The following EPM2A variants were observed in gnomAD, a reference collection of about 807,000 sequenced individuals.
EPM2A encodes the protein EPM2A glucan phosphatase, laforin.
Under a neutral mutation model 26.5 loss-of-function variants are expected in EPM2A, and 21 were observed. That is an observed-to-expected ratio of 0.79 (90% confidence interval 0.56 to 1.14). EPM2A has a LOEUF of 1.14. Ranked by LOEUF, EPM2A falls within the 50% of genes most tolerant of loss-of-function variation. The probability of loss-of-function intolerance (pLI) is 0.00; values close to 1 mark genes in which losing one functional copy is unlikely to be tolerated. For missense variants in EPM2A, 458 were observed against 440.8 expected, an observed-to-expected ratio of 1.04 and a Z score of -0.35; for synonymous variants, 217 against 177.6, an observed-to-expected ratio of 1.22 and a Z score of -1.76.
intron 2 of EPM2A, among the ~76,000 whole-genome samples, chr6:145,548,081 T>C (rs1780609403): frequency 6.6e-6 from 1 of 152,136 alleles, no homozygotes. Context: ...CCTTTGCTCT[T>C]ACCATGTTCC....
chr6:145,480,419 G>A (rs1180304580), intron 4 of EPM2A, among the ~76,000 whole-genome samples: 2 of 152,046 alleles, frequency 1.3e-5, no homozygotes, highest in African/African-American at 4.8e-5. Flanking sequence ...TTCCAACATT[G>A]AGGATTACAA....
intron 2 of EPM2A, among the ~76,000 whole-genome samples, chr6:145,673,121 T>C (rs1779767493): frequency 6.6e-6 from 1 of 152,014 alleles, no homozygotes; most frequent in Non-Finnish European, 1.5e-5. Flanking sequence ...AGAAATTTGT[T>C]TTTAAAATTA....
chr6:145,632,327 C>G (rs1776326424), intron 3 of EPM2A: 1 of 152,126 alleles, frequency 6.6e-6, no homozygotes, highest in Non-Finnish European at 1.5e-5. Context: ...CTTCATGAAG[C>G]CTGTGAACTC....
intron 1 of EPM2A, among the ~76,000 whole-genome samples, chr6:145,708,580 A>C (rs1313674136): frequency 6.6e-6 from 1 of 152,232 alleles, no homozygotes; most frequent in African/African-American, 2.4e-5. Context: ...GGATGCATGG[A>C]AGTCAAGAAT....
intron 4 of EPM2A, among the ~76,000 whole-genome samples, chr6:145,476,695 A>G (rs1255501008): frequency 6.6e-6 from 1 of 152,094 alleles, no homozygotes; most frequent in Admixed American, 6.6e-5. Flanking sequence ...ATGCTCCTGA[A>G]TGACCAGTGG....
chr6:145,592,923 A>G (rs1781294419), intron 2 of EPM2A, among the ~76,000 whole-genome samples: 1 of 152,182 alleles, frequency 6.6e-6, no homozygotes, highest in Non-Finnish European at 1.5e-5. Context: ...ATAGAAAACA[A>G]TAACAAATAT....
chr6:145,558,689 G>A (rs899972079), intron 2 of EPM2A, among the ~76,000 whole-genome samples: 2 of 151,958 alleles, frequency 1.3e-5, no homozygotes, highest in Non-Finnish European at 2.9e-5. Flanking sequence ...CGTGCTTTTC[G>A]AGAAATGTTT....
chr6:145,386,063 G>T (rs867663708), intron 4 of EPM2A, among the ~76,000 whole-genome samples: 1 of 151,826 alleles, frequency 6.6e-6, no homozygotes, highest in Non-Finnish European at 1.5e-5. Context: ...CTAAAGAGCT[G>T]TACTTTAGTA....
intron 2 of EPM2A, among the ~76,000 whole-genome samples, chr6:145,541,870 T>C (rs2114795152): frequency 6.6e-6 from 1 of 152,296 alleles, no homozygotes. Flanking sequence ...CAGAAAATTA[T>C]ATAGCAGAAC....
chr6:145,584,663 G>A (rs1781164119), intron 2 of EPM2A, among the ~76,000 whole-genome samples: 1 of 152,280 alleles, frequency 6.6e-6, no homozygotes, highest in South Asian at 2.1e-4. Flanking sequence ...TCTGTGGCAA[G>A]AGTGAACCAC....
At chr6:145,622,807 G>A (rs1775665142), downstream of EPM2A, among the ~76,000 whole-genome samples, 1 of 152,176 alleles carries the variant, frequency 6.6e-6, no homozygotes, top group South Asian at 2.1e-4. Flanking sequence ...AAAAATTTCT[G>A]TTGCTTAAGC....
chr6:145,658,761 T>C (rs1489887791), intron 2 of EPM2A, among the ~76,000 whole-genome samples: 1 of 152,178 alleles, frequency 6.6e-6, no homozygotes, highest in South Asian at 2.1e-4. Flanking sequence ...AAAATTCAAA[T>C]CTCAAAAATG....
At chr6:145,590,528 T>C (rs1014596218) in intron 2 of EPM2A, among the ~76,000 whole-genome samples, 1 of 152,116 alleles carries the variant, frequency 6.6e-6, no homozygotes, top group African/African-American at 2.4e-5. Flanking sequence ...CATAAGATTA[T>C]AGATTACTTC....
intron 2 of EPM2A, among the ~76,000 whole-genome samples, chr6:145,588,614 T>G (rs1781229603): frequency 6.6e-6 from 1 of 152,228 alleles, no homozygotes; most frequent in Non-Finnish European, 1.5e-5. Flanking sequence ...ATACATGCAT[T>G]GTATAAAAAC....
intron 4 of EPM2A, among the ~76,000 whole-genome samples, chr6:145,456,170 AC>A (rs1480401940): frequency 3.3e-5 from 5 of 152,168 alleles, no homozygotes; most frequent in African/African-American, 9.7e-5. Context: ...GAGGTAGAAG[AC>A]CTTGAGGTGA....
intron 1 of EPM2A, 116 bp from the exon 2 acceptor site, chr6:145,686,412 TCTACACATTTCAGTATAAACAAAAA>T (rs1324165987): frequency 3.8e-6 from 3 of 796,108 alleles, no homozygotes; most frequent in Non-Finnish European, 6.3e-6. Context: ...AGCTACTTAA[TCTACACATTTCAGTATAAACAAAAA>T]AGACTAGAGT....
intron 4 of EPM2A, among the ~76,000 whole-genome samples, chr6:145,487,741 C>A (rs1779696921): frequency 6.6e-6 from 1 of 152,100 alleles, no homozygotes; most frequent in Admixed American, 6.6e-5. Flanking sequence ...GCATAGTTTG[C>A]AAAAATTTTC....
At position 145,634,209 on chromosome 6, in the gene EPM2A, T is replaced by C. The variant is rs1287756343; in HGVS notation, c.718+1036A>G. 2.0e-5 allele frequency among the ~76,000 whole-genome samples: 3 copies of C among 152,158 alleles called. No homozygotes were observed. In the East Asian group the frequency reaches 5.8e-4, roughly 29 times the overall value. ...CCCCCTGCTGACAGCTGCTTGATAC[T>C]ATCGGTGTAACTTGGTTCTCTCCTC... On this transcript the variant is annotated intron_variant, in intron 3 of 3. Coordinates refer to ENST00000367519, the MANE Select transcript of EPM2A (RefSeq NM_005670.4).
At chr6:145,632,354 T>C (rs1017076328) in intron 3 of EPM2A, 3 of 152,162 alleles carry the variant, frequency 2.0e-5, no homozygotes, top group African/African-American at 7.2e-5. Context: ...GAGGCAAGGG[T>C]AGACATTTGT....
Sources: allele counts gnomAD v4.1 joint callset (sites outside exome capture counted in the v4.1 genomes callset), GRCh38; gene constraint gnomAD v4.1.1; transcripts MANE v1.5; gene names NCBI Gene and HGNC (gene_info 2026-07-23, HGNC 2026-07-21).